Variants in CD247 observed in about 807,000 individuals in gnomAD.
CD247 encodes the protein CD247 molecule, also known as T-cell surface glycoprotein CD3 zeta chain.
In CD247, 13 loss-of-function variants were observed where a neutral mutation model predicts 30.0. The ratio of observed to expected loss-of-function variants is 0.43; its 90% confidence interval spans 0.28 to 0.69. The LOEUF is 0.69. CD247 is among the 30% of genes least tolerant of loss of function. The pLI is 0.16. For synonymous variants in CD247, 72 were observed against 80.0 expected (o/e 0.90, Z 0.53); for missense variants, 193 against 212.6 (o/e 0.91, Z 0.57).
intron 3 of CD247, 149 bp downstream of exon 3, chr1:167,439,195 G>C (rs1651691462): frequency 1.4e-6 from 1 of 733,352 alleles, no homozygotes; most frequent in African/African-American, 1.7e-5. Flanking sequence ...TTGTGGGTTA[G>C]AAAACTGAGG....
At position 167,430,993 on chromosome 1, in the gene CD247, A is replaced by G. The variant is rs944762969; in HGVS notation, c.*688T>C. ...ACTTTGTGCACAGCTCATCAAGGTC[A>G]GTCTGTTCATCTTCTGGCCCCTGTA... On this transcript the variant is annotated 3_prime_UTR_variant, in exon 8 of 8. Transcript: ENST00000362089. 2.0e-5 allele frequency: 8 copies of G among 402,306 alleles called. No individual in the cohort carries two copies. The highest frequency in any genetic ancestry group is 4.1e-5 in the African/African-American group (2 of 48,682). 24.9% of individuals were successfully genotyped at this position (402,306 alleles called of 1,614,324 possible).
chr1:167,480,738 A>G (rs1314961212), intron 1 of CD247, among the ~76,000 whole-genome samples: 1 of 152,178 alleles, frequency 6.6e-6, no homozygotes, highest in African/African-American at 2.4e-5. Flanking sequence ...CATTAAATAT[A>G]TATTTATTTT....
intron 7 of CD247, among the ~76,000 whole-genome samples, chr1:167,432,742 C>T (rs922293683): frequency 1.3e-5 from 2 of 152,356 alleles, no homozygotes; most frequent in East Asian, 3.9e-4. Flanking sequence ...CCATCTGCAT[C>T]GGCGGGGAGG....
intron 1 of CD247, among the ~76,000 whole-genome samples, chr1:167,450,923 AAAAAG>A (rs1331138951): frequency 1.3e-5 from 2 of 151,204 alleles, no homozygotes; most frequent in Admixed American, 1.3e-4. Flanking sequence ...AAAAAAAAAA[AAAAAG>A]AAAAGAAAAG....
chr1:167,431,287 A>G lies in CD247; in HGVS notation c.*394T>C. 1.8e-6 allele frequency: 1 copy of G among 549,544 alleles called. No homozygotes were observed. Among genetic ancestry groups the G allele is most frequent in the East Asian group, 2.8e-5 (1 of 35,304 alleles). 34.0% of individuals were successfully genotyped at this position (549,544 alleles called of 1,614,324 possible). On this transcript the variant is annotated 3_prime_UTR_variant, in exon 8 of 8. Coordinates refer to ENST00000362089, the MANE Select transcript of CD247 (RefSeq NM_198053.3). ...TTACAGCAGGAGTGAAGCCACTCAG[A>G]CACAGAGTGATACAGACATTAGGGC...
intron 1 of CD247, among the ~76,000 whole-genome samples, chr1:167,451,721 G>A (rs1392079462): frequency 2.4e-4 from 37 of 152,182 alleles, no homozygotes; most frequent in Admixed American, 2.2e-3. Context: ...GAATGTGACC[G>A]TACTTGAAGA....
chr1:167,465,884 T>C (rs1653223825), intron 1 of CD247, among the ~76,000 whole-genome samples: 1 of 152,214 alleles, frequency 6.6e-6, no homozygotes, highest in Non-Finnish European at 1.5e-5. Context: ...AGCTGGGTGA[T>C]ATTAACTCAC....
At chr1:167,476,291 C>T (rs984314652) in intron 1 of CD247, among the ~76,000 whole-genome samples, 2 of 152,114 alleles carry the variant, frequency 1.3e-5, no homozygotes, top group African/African-American at 2.4e-5. Context: ...GTACACCAGG[C>T]CCAGGGATGG....
chr1:167,443,004 T>C (rs1651910855), intron 1 of CD247, among the ~76,000 whole-genome samples: 1 of 152,152 alleles, frequency 6.6e-6, no homozygotes, highest in Non-Finnish European at 1.5e-5. Context: ...CCCATATTTT[T>C]CTACCCCCTG....
intron 1 of CD247, among the ~76,000 whole-genome samples, chr1:167,451,521 A>G (rs1652351589): frequency 6.6e-6 from 1 of 152,146 alleles, no homozygotes; most frequent in South Asian, 2.1e-4. Flanking sequence ...CCTCAAAACC[A>G]AGCTCTTCCT....
At chr1:167,448,339 T>A (rs1274600073) in intron 1 of CD247, 1 of 984,912 alleles carries the variant, frequency 1.0e-6, no homozygotes, top group East Asian at 1.1e-4. Flanking sequence ...CACTTGGTAC[T>A]GACCTTCAAA....
chr1:167,461,115 G>A (rs562622395), intron 1 of CD247, among the ~76,000 whole-genome samples: 3 of 152,356 alleles, frequency 2.0e-5, no homozygotes, highest in African/African-American at 4.8e-5. Context: ...GCGATCGTGG[G>A]CTGAGAGGCA....
chr1:167,455,375 G>A (rs1652594203), intron 1 of CD247, among the ~76,000 whole-genome samples: 1 of 152,182 alleles, frequency 6.6e-6, no homozygotes, highest in African/African-American at 2.4e-5. Flanking sequence ...AAGCCCAGGC[G>A]GCCGGGACCG....
At chr1:167,514,060 A>C (rs991034949) in intron 1 of CD247, among the ~76,000 whole-genome samples, 2 of 152,264 alleles carry the variant, frequency 1.3e-5, no homozygotes, top group African/African-American at 4.8e-5. Flanking sequence ...CATTAAAGTT[A>C]ATTTAATCGT....
At chr1:167,454,945 C>A (rs1652564382) in intron 1 of CD247, among the ~76,000 whole-genome samples, 1 of 152,232 alleles carries the variant, frequency 6.6e-6, no homozygotes, top group Admixed American at 6.5e-5. Flanking sequence ...CCTGTGGCCC[C>A]CGCAGCTTCC....
At chr1:167,440,593 ACCAAGG>A in intron 2 of CD247, 65 bp downstream of exon 2, 2 of 1,047,716 alleles carry the variant, frequency 1.9e-6, no homozygotes, top group South Asian at 2.6e-5. Context: ...ACCTTCCAAG[ACCAAGG>A]CCCCTCTGAA....
intron 2 of CD247, 200 bp downstream of exon 2, chr1:167,440,464 C>CTA: frequency 1.6e-6 from 1 of 639,410 alleles, no homozygotes; most frequent in Non-Finnish European, 2.8e-6. Flanking sequence ...GCTCTCCCTC[C>CTA]TACCCTGTCC....
chr1:167,436,819 A>G (rs917318373), intron 4 of CD247, among the ~76,000 whole-genome samples: 3 of 152,178 alleles, frequency 2.0e-5, no homozygotes, highest in African/African-American at 7.2e-5. Context: ...CAAAAAGACA[A>G]AAGACAACAA....
chr1:167,448,877 A>G (rs1370893097), intron 1 of CD247, among the ~76,000 whole-genome samples: 2 of 152,144 alleles, frequency 1.3e-5, no homozygotes, highest in Non-Finnish European at 2.9e-5. Context: ...TAAATAAACA[A>G]AAATTTTTTT....
Sources: gnomAD v4.1 joint callset for allele counts (sites outside exome capture counted in the v4.1 genomes callset) on GRCh38, gnomAD v4.1.1 for gene constraint, MANE v1.5 for transcripts, NCBI Gene and HGNC (gene_info 2026-07-23, HGNC 2026-07-21) for gene names.